The following SLC12A2 variants were observed in gnomAD, a reference collection of about 807,000 sequenced individuals.
SLC12A2 encodes the protein Na-K-2Cl cotransporter 1.
SLC12A2 carries 67 observed loss-of-function variants against 136.3 expected under a neutral mutation model. The observed-to-expected ratio is 0.49, with a 90% CI of 0.40 to 0.60. The LOEUF (loss-of-function observed/expected upper bound fraction) is 0.60, where lower values mean the gene tolerates loss of function less well. Among genes scored for constraint, SLC12A2 ranks in the 20% least tolerant of loss-of-function variants. The pLI is 0.00. For synonymous variants in SLC12A2, 619 were observed against 562.9 expected, an observed-to-expected ratio of 1.10 and a Z score of -1.41; for missense variants, 1,322 against 1,534.7, an observed-to-expected ratio of 0.86 and a Z score of 2.32.
intron 1 of SLC12A2, chr5:128,110,802 A>G: frequency 6.7e-7 from 1 of 1,485,056 alleles, no homozygotes; most frequent in Non-Finnish European, 9.4e-7. Context: ...TAGCAAAAGC[A>G]GGACAAGAAT....
chr5:128,095,308 C>G (rs968140815), intron 1 of SLC12A2, among the ~76,000 whole-genome samples: 1 of 138,132 alleles, frequency 7.2e-6, no homozygotes, highest in Non-Finnish European at 1.5e-5. Context: ...TCTTCAGTCT[C>G]AGGAGTAGGT....
chr5:128,110,662 C>T (rs970527154), intron 1 of SLC12A2: 14 of 1,249,734 alleles, frequency 1.1e-5, no homozygotes, highest in East Asian at 2.3e-5. Context: ...GCCAAGACTC[C>T]GTCTACTATG....
intron 15 of SLC12A2, among the ~76,000 whole-genome samples, chr5:128,157,022 C>T (rs936596280): frequency 5.3e-5 from 8 of 152,152 alleles, no homozygotes. Context: ...CTCAAAGCAA[C>T]TCTCCCAGAC....
intron 11 of SLC12A2, among the ~76,000 whole-genome samples, chr5:128,148,436 T>G (rs1366293979): frequency 6.6e-6 from 1 of 151,836 alleles, no homozygotes; most frequent in Non-Finnish European, 1.5e-5. Flanking sequence ...TTAAAATAGG[T>G]CACAACTATG....
Position 128,135,756 on chromosome 5 carries a change from A to T in SLC12A2, c.1356A>T (p.Gly452=). The T allele has an allele frequency of 6.2e-7, 1 of 1,612,768 alleles. No homozygotes were observed. The highest frequency in any genetic ancestry group is 8.5e-7 in the Non-Finnish European group (1 of 1,179,042). Residue 452 remains glycine (G), a synonymous_variant, in exon 7 of 27, where the codon GGA becomes GGT. Coordinates refer to ENST00000262461, the MANE Select transcript of SLC12A2 (RefSeq NM_001046.3). ...LLLAIGDFVI[G]TFIPLESKKP... ...TTGCTATTGGTGATTTCGTCATAGGAACATTTATCCCACTGGAGAGCAAGA... is the reference window on the plus strand; with the variant it reads ...TTGCTATTGGTGATTTCGTCATAGGTACATTTATCCCACTGGAGAGCAAGA...
chr5:128,184,226 G>C, intron 24 of SLC12A2, 140 bp from the exon 25 acceptor site: 1 of 520,688 alleles, frequency 1.9e-6, no homozygotes, highest in East Asian at 3.2e-5. Flanking sequence ...TTGCCAAACT[G>C]ATTATTATGG....
At chr5:128,168,280 C>T (rs1387416109) in intron 18 of SLC12A2, 1 of 152,956 alleles carries the variant, frequency 6.5e-6, no homozygotes. Context: ...TAGGCTTGTT[C>T]CCCTTCCAAA....
chr5:128,139,667 A>G (rs993234732), intron 9 of SLC12A2, among the ~76,000 whole-genome samples: 2 of 152,194 alleles, frequency 1.3e-5, no homozygotes, highest in African/African-American at 2.4e-5. Context: ...GCTATTTTCT[A>G]TGAATTACTA....
intron 26 of SLC12A2, among the ~76,000 whole-genome samples, chr5:128,185,719 T>C (rs1380939588): frequency 6.6e-6 from 1 of 152,182 alleles, no homozygotes; most frequent in Non-Finnish European, 1.5e-5. Flanking sequence ...TAAATTTTGA[T>C]AGTAAACATA....
At chr5:128,112,460 T>A (rs1307481156) in intron 1 of SLC12A2, among the ~76,000 whole-genome samples, 1 of 152,150 alleles carries the variant, frequency 6.6e-6, no homozygotes, top group Non-Finnish European at 1.5e-5. Flanking sequence ...GTGATGTAAA[T>A]TTGTGGCTTG....
chr5:128,129,192 A>G (rs1375353875), intron 4 of SLC12A2, among the ~76,000 whole-genome samples: 1 of 152,080 alleles, frequency 6.6e-6, no homozygotes, highest in Non-Finnish European at 1.5e-5. Flanking sequence ...TTTCTCATCT[A>G]TAAAATCAGG....
Position 128,141,853 on chromosome 5 carries a change from A to G in SLC12A2, c.1645A>G (p.Thr549Ala). 1 of 1,613,146 alleles carries G rather than the reference A, an allele frequency of 6.2e-7. No individual in the cohort carries two copies. The highest frequency in any genetic ancestry group is 8.5e-7 in the Non-Finnish European group (1 of 1,179,472). The change falls in exon 10 of 27, where the codon ACT becomes GCT. Residue 549 changes from threonine (T) to alanine (A), a missense_variant. Physicochemically the swap from Thr to Ala is moderately conservative, Grantham distance 58. Coordinates refer to ENST00000262461, the MANE Select transcript of SLC12A2 (RefSeq NM_001046.3). The stretch of plus-strand genomic sequence containing the variant: ...AGGTTCTTGTGTTGTTCGAGATGCC[A>G]CTGGAAACGTTAATGACACTATCGT... Reference protein sequence around the residue: ...SVGSCVVRDATGNVNDTIVTE... With the variant: ...SVGSCVVRDAAGNVNDTIVTE...
Position 128,162,034 on chromosome 5 carries a change from G to T in SLC12A2, c.2616+234G>T, listed in dbSNP as rs531164714. 6.9e-4 allele frequency among the ~76,000 whole-genome samples: 105 copies of T among 152,248 alleles called. 1 individual carries two copies. The highest frequency in any genetic ancestry group is 2.5e-3 in the African/African-American group (102 of 41,566). On this transcript the variant is annotated intron_variant, in intron 17 of 26. Transcript: ENST00000262461. ...TCAGAATTAAAGGGACAGTAGAAAT[G>T]TTGTGTTGTTCTGTGTTAATTGTGT...
rs776026600 is a variant in SLC12A2 at position 128,114,589 on chromosome 5, T to A, written c.956T>A (p.Leu319Gln). The change falls in exon 4 of 27, where the codon CTA becomes CAA. Residue 319 changes from leucine (L) to glutamine (Q), a missense_variant. Coordinates refer to ENST00000262461, the MANE Select transcript of SLC12A2 (RefSeq NM_001046.3). ...SWIVGQAGIG[L>Q]SVLVIMMATV... Reference sequence around the variant, plus strand: ...TTGTCTTTCTTTCTTCGTAAAGGTCTATCAGTCCTTGTAATAATGATGGCC... The same window carrying A: ...TTGTCTTTCTTTCTTCGTAAAGGTCAATCAGTCCTTGTAATAATGATGGCC... 1 of 1,600,224 alleles carries A rather than the reference T, an allele frequency of 6.2e-7. No individual in the cohort carries two copies.
chr5:128,101,623 A>G (rs566549683), intron 1 of SLC12A2, among the ~76,000 whole-genome samples: 32 of 152,314 alleles, frequency 2.1e-4, no homozygotes, highest in African/African-American at 7.7e-4. Context: ...GTCATTAACC[A>G]TTATTTAATT....
At chr5:128,089,146 C>T (rs1047285414) in intron 1 of SLC12A2, among the ~76,000 whole-genome samples, 4 of 124,758 alleles carry the variant, frequency 3.2e-5, no homozygotes, top group Non-Finnish European at 5.0e-5. Flanking sequence ...CCAGCCTGGG[C>T]AACAAGAGCA....
intron 18 of SLC12A2, among the ~76,000 whole-genome samples, chr5:128,171,376 A>G (rs111259525): frequency 5.9e-5 from 9 of 152,254 alleles, no homozygotes; most frequent in South Asian, 2.1e-4. Context: ...TCTATAATTT[A>G]ACTTAGTAGG....
Position 128,184,510 on chromosome 5 carries a change from T to C in SLC12A2, c.3435+9T>C. 1 of 1,570,206 alleles carries C rather than the reference T, an allele frequency of 6.4e-7. No homozygotes were observed. The highest frequency in any genetic ancestry group is 2.3e-5 in the East Asian group (1 of 44,388). On this transcript the variant is annotated intron_variant, in intron 25 of 26. Transcript: ENST00000262461. ...AACTTTATAAGACCAAGGTATTCTCTTCTGCTTCCTTTTCATTAATCTTTT... is the reference window on the plus strand; with the variant it reads ...AACTTTATAAGACCAAGGTATTCTCCTCTGCTTCCTTTTCATTAATCTTTT...
At chr5:128,149,899 G>T in intron 12 of SLC12A2, 98 bp from the exon 13 acceptor site, 1 of 796,060 alleles carries the variant, frequency 1.3e-6, no homozygotes. Flanking sequence ...GGTGGTTATG[G>T]GGTGTTACGT....
Sources: gnomAD v4.1 joint callset for allele counts (sites outside exome capture counted in the v4.1 genomes callset) on GRCh38, gnomAD v4.1.1 for gene constraint, MANE v1.5 for transcripts, NCBI Gene and HGNC (gene_info 2026-07-23, HGNC 2026-07-21) for gene names.